FLNC: variants seen among roughly 807,000 people sequenced by gnomAD.
The protein encoded by FLNC is filamin C, also known as filamin-C.
A neutral mutation model predicts 254.3 loss-of-function variants in FLNC; 91 were observed. The observed-to-expected ratio is 0.36, with a 90% CI of 0.30 to 0.43. FLNC has a LOEUF of 0.43. Ranked by LOEUF, FLNC falls within the 20% of genes least tolerant of loss-of-function variation. The pLI is 1.00. For missense variants in FLNC, 2,853 were observed against 3,802.6 expected, an observed-to-expected ratio of 0.75 and a Z score of 6.57; for synonymous variants, 1,430 against 1,577.2, an observed-to-expected ratio of 0.91 and a Z score of 2.21.
Position 128,853,592 on chromosome 7 carries a change from A to G in FLNC, c.6332A>G (p.Asn2111Ser), listed in dbSNP as rs1397038558. 1.2e-6 allele frequency: 2 copies of G among 1,614,120 alleles called. No homozygotes were observed. The highest frequency in any genetic ancestry group is 1.7e-6 in the Non-Finnish European group (2 of 1,180,032). ...CPTEPGTYII[N>S]IKFADKHVPG... ...ACCGAGCCCGGCACCTACATCATCAACATCAAGTTTGCTGACAAGCACGTG... is the reference window on the plus strand; with the variant it reads ...ACCGAGCCCGGCACCTACATCATCAGCATCAAGTTTGCTGACAAGCACGTG... The change falls in exon 38 of 48, where the codon AAC (asparagine) becomes AGC (serine). Residue 2111 changes from asparagine to serine, a missense_variant. Asn to Ser is a conservative substitution (Grantham distance 46). This residue lies in a region of FLNC where 551 missense variants were observed against 835.0 expected (regional missense o/e 0.66). Coordinates refer to ENST00000325888, the MANE Select transcript of FLNC (RefSeq NM_001458.5).
In FLNC at chr7:128,854,057, C is replaced by T. The variant is rs1474675847; in HGVS notation, c.6568C>T (p.Arg2190Cys). 11 of 1,613,246 alleles carry T rather than the reference C, an allele frequency of 6.8e-6. No homozygotes were observed. Among genetic ancestry groups the T allele is most frequent in the East Asian group, 4.5e-5 (2 of 44,876 alleles). Residue 2190 changes from arginine to cysteine, a missense_variant, in exon 40 of 48, where the codon CGC (arginine) becomes TGC (cysteine). Physicochemically the swap from Arg to Cys is radical, Grantham distance 180. Around this residue, in one of 10 missense-constraint regions of FLNC, gnomAD observed 551 missense variants for 835.0 expected, o/e 0.66. Coordinates refer to ENST00000325888, the MANE Select transcript of FLNC (RefSeq NM_001458.5). ...CAGCCACACCTACACCCGCACGGAG[C>T]GCACGGAGATCAGCAAGACGCGGGG... ...RSSHTYTRTERTEISKTRGGE... is the reference protein window; with the variant it reads ...RSSHTYTRTECTEISKTRGGE...
In FLNC at chr7:128,838,672, C is replaced by A. The variant is rs746562960; in HGVS notation, c.1280C>A (p.Ala427Asp). ...PQGRRDTVEV[A>D]LEDKGDSTFR... ...GGCCGGCGGGACACAGTGGAGGTGG[C>A]CCTGGAGGACAAGGGTGACAGCACG... The change falls in exon 8 of 48, where the codon GCC becomes GAC. Residue 427 changes from alanine (A) to aspartate (D), a missense_variant. By Grantham distance (126) the Ala-to-Asp change is moderately radical. Around this residue, in one of 10 missense-constraint regions of FLNC, gnomAD observed 1,573 missense variants for 1,883.5 expected, o/e 0.84. Transcript: ENST00000325888. The A allele has an allele frequency of 2.5e-6, 4 of 1,613,064 alleles. No individual in the cohort carries two copies. The highest frequency in any genetic ancestry group is 3.4e-6 in the Non-Finnish European group (4 of 1,180,014).
chr7:128,853,123 C>G (rs1808895096), intron 37 of FLNC, 92 bp downstream of exon 37: 1 of 1,290,556 alleles, frequency 7.7e-7, no homozygotes, highest in Admixed American at 1.9e-5. Flanking sequence ...GCCGCACTCT[C>G]TCCTCCCTGA....
At chr7:128,849,140 C>T (rs763822079) in intron 28 of FLNC, 41 bp from the exon 29 acceptor site, 21 of 1,608,084 alleles carry the variant, frequency 1.3e-5, no homozygotes, top group Admixed American at 5.0e-5. Context: ...CCCCAGCCCA[C>T]GTTGAGCACC....
rs1293277374 is a variant in FLNC at position 128,842,608 on chromosome 7, G to T, written c.2299G>T (p.Val767Leu). The change falls in exon 15 of 48, where the codon GTA (valine) becomes TTA (leucine). Residue 767 changes from valine (V) to leucine (L), a missense_variant. By Grantham distance (32) the Val-to-Leu change is conservative. This residue lies in a region of FLNC where 1,573 missense variants were observed against 1,883.5 expected (regional missense o/e 0.84). Transcript: ENST00000325888. The surrounding 1 kb of genome is among the most constrained non-coding windows in gnomAD (Gnocchi z 5.4). ...NVGEGSHPER[V>L]KVYGPGVEKT... is the part of the protein sequence containing the mutation. ...GGGCGAGGGCAGCCACCCCGAGCGG[G>T]TAAAGGTGTACGGCCCCGGAGTGGA... 1.9e-6 allele frequency: 3 copies of T among 1,549,928 alleles called. No individual in the cohort carries two copies. The highest frequency in any genetic ancestry group is 3.9e-5 in the Admixed American group (2 of 51,010).
chr7:128,857,800 G>C lies in FLNC; in HGVS notation c.7781-208G>C, dbSNP rs1048753302. On this transcript the variant is annotated intron_variant, in intron 46 of 47. Transcript: ENST00000325888. The surrounding 1 kb of genome is among the most constrained non-coding windows in gnomAD (Gnocchi z 4.5). ...GCAGCATCTGAGGCCCCAGCCCTAGGGTGGAGCACCAGTTGGAGCTGGCAG... is the reference window on the plus strand; with the variant it reads ...GCAGCATCTGAGGCCCCAGCCCTAGCGTGGAGCACCAGTTGGAGCTGGCAG... 6.6e-6 allele frequency among the ~76,000 whole-genome samples: 1 copy of C among 152,184 alleles called. No individual in the cohort carries two copies. The highest frequency in any genetic ancestry group is 1.5e-5 in the Non-Finnish European group (1 of 68,042).
At position 128,843,520 on chromosome 7, in the gene FLNC, T is replaced by C; in HGVS notation, c.2754T>C (p.Phe918=). The C allele has an allele frequency of 6.2e-7, 1 of 1,613,838 alleles. No homozygotes were observed. The highest frequency in any genetic ancestry group is 1.1e-5 in the South Asian group (1 of 91,084). ...CCAAGGGCGAGGTTGTGCGGGACTTTGAGATCATAGACAACCATGACTACT... is the reference window on the plus strand; with the variant it reads ...CCAAGGGCGAGGTTGTGCGGGACTTCGAGATCATAGACAACCATGACTACT... ...GTAKGEVVRD[F]EIIDNHDYSY... is the part of the protein sequence containing the mutation. Residue 918 remains phenylalanine (F), a synonymous_variant, in exon 18 of 48, where the codon TTT becomes TTC. Coordinates refer to ENST00000325888, the MANE Select transcript of FLNC (RefSeq NM_001458.5).
chr7:128,836,514 C>A lies in FLNC; in HGVS notation c.602-646C>A, dbSNP rs373216498. 1.3e-5 allele frequency among the ~76,000 whole-genome samples: 2 copies of A among 152,216 alleles called. No homozygotes were observed. The highest frequency in any genetic ancestry group is 3.8e-4 in the East Asian group (2 of 5,200). ...CCAGCTCTGGCCTAAACCAAGCGCC[C>A]CTTCACCTGCACCGTTCATAGGAGT... On this transcript the variant is annotated intron_variant, in intron 2 of 47. Coordinates refer to ENST00000325888, the MANE Select transcript of FLNC (RefSeq NM_001458.5). This position sits in a 1 kb window ranked among gnomAD's most constrained non-coding sequence, Gnocchi z 6.0.
At chr7:128,845,378 G>A (rs920330538) in intron 21 of FLNC, 123 bp downstream of exon 21, 25 of 808,608 alleles carry the variant, frequency 3.1e-5, no homozygotes, top group East Asian at 7.9e-5. Context: ...GAGGGCTCTC[G>A]GAGCAGCCCC....
Position 128,844,711 on chromosome 7 carries a change from A to G in FLNC, c.3246A>G (p.Pro1082=), listed in dbSNP as rs1335934010. 1 of 1,613,602 alleles carries G rather than the reference A, an allele frequency of 6.2e-7. No individual in the cohort carries two copies. The highest frequency in any genetic ancestry group is 8.5e-7 in the Non-Finnish European group (1 of 1,180,002). The change falls in exon 21 of 48, where the codon CCA becomes CCG. Residue 1082 remains proline (P), a synonymous_variant. Transcript: ENST00000325888. ...LKGGLVGTPA[P]FSIDTKGAGT... ...GTGGACTGGTAGGCACCCCCGCGCC[A>G]TTCTCCATCGACACCAAGGGGGCTG... is the stretch of plus-strand genomic sequence containing the variant.
intron 9 of FLNC, 40 bp downstream of exon 9, chr7:128,840,200 G>T (rs1450817207): frequency 6.2e-7 from 1 of 1,609,224 alleles, no homozygotes; most frequent in Non-Finnish European, 8.5e-7. Flanking sequence ...TGGGGCTGGG[G>T]GATCATAAGG....
chr7:128,837,559 G>A lies in FLNC; in HGVS notation c.850+11G>A. 2 of 1,614,072 alleles carry A rather than the reference G, an allele frequency of 1.2e-6. No individual in the cohort carries two copies. Among genetic ancestry groups the A allele is most frequent in the Non-Finnish European group, 1.7e-6 (2 of 1,180,022 alleles). Reference sequence around the variant, plus strand: ...TCGCCTATGGGCCTGGTATGTGTGAGCCCCTGGCGGCCCTCCTGGGCAGCT... The same window carrying A: ...TCGCCTATGGGCCTGGTATGTGTGAACCCCTGGCGGCCCTCCTGGGCAGCT... On this transcript the variant is annotated intron_variant, in intron 4 of 47. Coordinates refer to ENST00000325888, the MANE Select transcript of FLNC (RefSeq NM_001458.5).
rs886862555 is a variant in FLNC at position 128,846,644 on chromosome 7, C to A, written c.4128-101C>A. ...TAGCTCGTTTCTCCTCAGCTGGGTC[C>A]CCAGCGGCCTGCCCTCTTTCCTCCC... On this transcript the variant is annotated intron_variant, in intron 23 of 47. Coordinates refer to ENST00000325888, the MANE Select transcript of FLNC (RefSeq NM_001458.5). 70 of 1,385,552 alleles carry A rather than the reference C, an allele frequency of 5.1e-5. No homozygotes were observed. The African/African-American group carries it at 8.1e-4, about 16-fold the overall frequency. 85.8% of individuals were successfully genotyped at this position (1,385,552 alleles called of 1,614,324 possible).
At position 128,854,824 on chromosome 7, in the gene FLNC, T is replaced by C. The variant is rs760345428; in HGVS notation, c.7047T>C (p.Ile2349=). ...AGGCTGGCGCTGGGGGCCTGTCCAT[T>C]GCTGTGGAGGGTCCTAGCAAAGCGG... The part of the protein sequence containing the change: ...TREAGAGGLS[I]AVEGPSKAEI... The change falls in exon 42 of 48, where the codon ATT becomes ATC. Residue 2349 remains isoleucine, a synonymous_variant. Transcript: ENST00000325888. 2 of 1,614,084 alleles carry C rather than the reference T, an allele frequency of 1.2e-6. No individual in the cohort carries two copies. Among genetic ancestry groups the C allele is most frequent in the Admixed American group, 3.3e-5 (2 of 60,020 alleles).
intron 18 of FLNC, 34 bp downstream of exon 18, chr7:128,843,611 C>T (rs202170677): frequency 4.7e-4 from 757 of 1,612,454 alleles, no homozygotes; most frequent in Non-Finnish European, 5.9e-4. Flanking sequence ...ACCGCCCGGC[C>T]GGCCCGCCAG....
rs753353216 is a variant in FLNC, at chr7:128,854,848, G to A, written c.7071G>A (p.Ala2357=). ...LSIAVEGPSK[A]EIAFEDRKDG... ...TTGCTGTGGAGGGTCCTAGCAAAGC[G>A]GAGATTGCATTTGAGGATCGCAAAG... Residue 2357 remains alanine, a synonymous_variant, in exon 42 of 48, where the codon GCG becomes GCA. Transcript: ENST00000325888. 1.1e-5 allele frequency: 17 copies of A among 1,614,002 alleles called. No homozygotes were observed. The Admixed American group carries it at 1.2e-4, about 11-fold the overall frequency.
In FLNC at chr7:128,847,926, C is replaced by G. The variant is rs369731117; in HGVS notation, c.4457-19C>G. On this transcript the variant is annotated intron_variant, in intron 25 of 47. Transcript: ENST00000325888. ...GCGGGACGCCCGGAGGCTCTGCTGA[C>G]CCTGTGCCCCTTGCCCAGGTGTGGC... is the stretch of plus-strand genomic sequence containing the variant. 115 of 1,613,644 alleles carry G rather than the reference C, an allele frequency of 7.1e-5. No homozygotes were observed. In the African/African-American group the frequency reaches 1.5e-3, roughly 21 times the overall value.
rs1362625258 is a variant in FLNC, at chr7:128,841,669, C to T, written c.2121+102C>T. Reference sequence around the variant, plus strand: ...GAGGCCTCCCAGCAGGAAATGACAGCATCACAGAAGATCAGGCAGGACTGA... The same window carrying T: ...GAGGCCTCCCAGCAGGAAATGACAGTATCACAGAAGATCAGGCAGGACTGA... On this transcript the variant is annotated intron_variant, in intron 13 of 47. Coordinates refer to ENST00000325888, the MANE Select transcript of FLNC (RefSeq NM_001458.5). This position sits in a 1 kb window ranked among gnomAD's most constrained non-coding sequence, Gnocchi z 4.3. 1 of 859,702 alleles carries T rather than the reference C, an allele frequency of 1.2e-6. No individual in the cohort carries two copies. The highest frequency in any genetic ancestry group is 1.7e-5 in the African/African-American group (1 of 60,414). 53.3% of individuals were successfully genotyped at this position (859,702 alleles called of 1,614,324 possible). A position where few individuals can be genotyped will look rare whatever the true frequency, so the allele number is the denominator to read the frequency against.
Position 128,844,209 on chromosome 7 carries a change from C to T in FLNC, c.3135C>T (p.His1045=), listed in dbSNP as rs988307328. Residue 1045 remains histidine (H), a synonymous_variant, in exon 20 of 48, where the codon CAC becomes CAT. Transcript: ENST00000325888. The part of the protein sequence containing the change: ...PYKVDITYDG[H]PVPGSPFAVE... ...AGGTGGATATCACCTACGATGGTCACCCGGTGCCTGGCAGCCCGTTTGCTG... is the reference window on the plus strand; with the variant it reads ...AGGTGGATATCACCTACGATGGTCATCCGGTGCCTGGCAGCCCGTTTGCTG... 5.6e-6 allele frequency: 9 copies of T among 1,612,400 alleles called. No individual in the cohort carries two copies. The highest frequency in any genetic ancestry group is 1.7e-5 in the Admixed American group (1 of 59,954).
Sources: gnomAD v4.1 joint callset for allele counts (sites outside exome capture counted in the v4.1 genomes callset) on GRCh38, gnomAD v4.1.1 for gene constraint, gnomAD v4.1.1 regional missense constraint, Gnocchi (gnomAD v3.1) non-coding constraint, MANE v1.5 for transcripts, NCBI Gene and HGNC (gene_info 2026-07-23, HGNC 2026-07-21) for gene names.